TNR: variants seen among roughly 807,000 people sequenced by gnomAD.
TNR encodes tenascin R, also known as tenascin-R.
Under a neutral mutation model 150.4 loss-of-function variants are expected in TNR, and 45 were observed. The observed-to-expected ratio is 0.30, with a 90% CI of 0.24 to 0.38. The LOEUF (loss-of-function observed/expected upper bound fraction) is 0.38, where lower values mean the gene tolerates loss of function less well. Ranked by LOEUF, TNR falls within the 10% of genes least tolerant of loss-of-function variation. The pLI is 1.00. For missense variants in TNR, 1,544 were observed against 1,759.1 expected (o/e 0.88, Z 2.19); for synonymous variants, 687 against 678.4 (o/e 1.01, Z -0.20).
chr1:175,632,187 T>A (rs1039706243), intron 1 of TNR, among the ~76,000 whole-genome samples: 6 of 152,344 alleles, frequency 3.9e-5, no homozygotes, highest in South Asian at 2.1e-4. Context: ...TCCACAGGGT[T>A]GCTGCACCTG....
chr1:175,386,369 C>G (rs1652929800), intron 7 of TNR, 68 bp from the exon 8 acceptor site: 1 of 1,454,166 alleles, frequency 6.9e-7, no homozygotes, highest in South Asian at 1.4e-5. Flanking sequence ...TCAGCTCTCT[C>G]TTTTCCTCCT....
intron 1 of TNR, among the ~76,000 whole-genome samples, chr1:175,690,169 C>T (rs1270884758): frequency 6.9e-6 from 1 of 145,068 alleles, no homozygotes; most frequent in Non-Finnish European, 1.5e-5. Context: ...TATTACATTG[C>T]CGTGGATCTT....
intron 1 of TNR, among the ~76,000 whole-genome samples, chr1:175,562,686 G>A (rs543021584): frequency 6.6e-6 from 1 of 152,178 alleles, no homozygotes; most frequent in Non-Finnish European, 1.5e-5. Flanking sequence ...AGAGCTACTG[G>A]GGCTCAGTAG....
chr1:175,467,793 A>T (rs10489314), intron 2 of TNR, among the ~76,000 whole-genome samples: 4,395 of 152,166 alleles, frequency 0.029, 120 homozygotes, highest in African/African-American at 0.069. Context: ...CAAGTGGGGG[A>T]TCTTGAGCTT....
chr1:175,347,889 G>A (rs1366345880), intron 18 of TNR, among the ~76,000 whole-genome samples: 1 of 152,038 alleles, frequency 6.6e-6, no homozygotes, highest in East Asian at 1.9e-4. Context: ...ATTTATCATA[G>A]TTCAGGAGGT....
chr1:175,435,467 A>T (rs921820047), intron 2 of TNR, among the ~76,000 whole-genome samples: 3 of 152,248 alleles, frequency 2.0e-5, no homozygotes, highest in Admixed American at 6.5e-5. Context: ...TAAAGGCTCA[A>T]CTGGGGACAT....
Position 175,562,122 on chromosome 1 carries a change from T to A in TNR, c.-164-33753A>T, listed in dbSNP as rs78047783. Among the ~76,000 whole-genome samples, 262 of 152,372 alleles carry A rather than the reference T, an allele frequency of 1.7e-3. 4 individuals carry two copies. In the East Asian group the frequency reaches 0.042, roughly 24 times the overall value. On this transcript the variant is annotated intron_variant, in intron 1 of 22. Transcript: ENST00000367674. ...CTACATTATATTTTGATGTACATGATGGTGCTCAAATCTAGTAGGTGTTCA... is the reference window on the plus strand; with the variant it reads ...CTACATTATATTTTGATGTACATGAAGGTGCTCAAATCTAGTAGGTGTTCA...
intron 1 of TNR, among the ~76,000 whole-genome samples, chr1:175,721,094 GATGAGCAC>G (rs1164576707): frequency 1.3e-5 from 2 of 152,116 alleles, no homozygotes; most frequent in Non-Finnish European, 2.9e-5. Context: ...GTTTTCTTCA[GATGAGCAC>G]AAGACTGGCT....
intron 1 of TNR, among the ~76,000 whole-genome samples, chr1:175,552,240 A>G (rs1003964): frequency 0.68 from 104,099 of 152,052 alleles, 35,896 homozygotes; most frequent in Admixed American, 0.76. Context: ...CTCTCATCCC[A>G]TGGTAGGGGT....
chr1:175,672,332 A>G (rs1665728448), intron 1 of TNR, among the ~76,000 whole-genome samples: 1 of 152,142 alleles, frequency 6.6e-6, no homozygotes, highest in African/African-American at 2.4e-5. Flanking sequence ...TCATGGATAT[A>G]GCATCCTTCT....
chr1:175,729,918 C>T (rs1302973217), intron 1 of TNR, among the ~76,000 whole-genome samples: 1 of 152,142 alleles, frequency 6.6e-6, no homozygotes, highest in African/African-American at 2.4e-5. Context: ...TATAAAAGAG[C>T]ATCTCAATCG....
chr1:175,490,731 A>T (rs187387102), intron 2 of TNR, among the ~76,000 whole-genome samples: 26 of 152,320 alleles, frequency 1.7e-4, no homozygotes, highest in South Asian at 6.2e-4. Context: ...AGATGCTAGC[A>T]AGATTGTGAA....
At chr1:175,414,958 T>C (rs903997176) in intron 2 of TNR, among the ~76,000 whole-genome samples, 1 of 140,952 alleles carries the variant, frequency 7.1e-6, no homozygotes, top group African/African-American at 2.6e-5. Flanking sequence ...AAAAAAAAGG[T>C]GCAGGAGGGA....
At chr1:175,347,555 G>A (rs1490860896) in intron 18 of TNR, among the ~76,000 whole-genome samples, 1 of 151,984 alleles carries the variant, frequency 6.6e-6, no homozygotes, top group Non-Finnish European at 1.5e-5. Flanking sequence ...AGCCTCCTGA[G>A]TAGCTGGAAT....
In TNR at chr1:175,335,732, C is replaced by A. The variant is rs369471259; in HGVS notation, c.3610G>T (p.Val1204Leu). ...WADYRVGFGN[V>L]EDEFWLGLDN... ...TTACCCAGCCAGAACTCATCCTCCA[C>A]GTTCCCGAAGCCAACACGGTAATCA... Residue 1204 changes from valine (V) to leucine (L), a missense_variant, in exon 20 of 23, where the codon GTG (valine) becomes TTG (leucine). Physicochemically the swap from Val to Leu is conservative, Grantham distance 32 (BLOSUM62 1). This residue lies in a region of TNR where 290 missense variants were observed against 429.7 expected (regional missense o/e 0.67). Coordinates refer to ENST00000367674, the MANE Select transcript of TNR (RefSeq NM_003285.3). The A allele has an allele frequency of 1.9e-6, 3 of 1,614,086 alleles. No homozygotes were observed. The highest frequency in any genetic ancestry group is 3.3e-5 in the Admixed American group (2 of 60,016).
At chr1:175,402,202 G>A (rs923957582) in intron 4 of TNR, among the ~76,000 whole-genome samples, 1 of 150,248 alleles carries the variant, frequency 6.7e-6, no homozygotes, top group African/African-American at 2.5e-5. Flanking sequence ...AGCTACTCGG[G>A]AGGCTGAGGC....
chr1:175,565,282 C>T (rs1209298210), intron 1 of TNR, among the ~76,000 whole-genome samples: 1 of 152,204 alleles, frequency 6.6e-6, no homozygotes, highest in African/African-American at 2.4e-5. Flanking sequence ...TTTCCCTCCT[C>T]ATTCCACTCC....
intron 1 of TNR, among the ~76,000 whole-genome samples, chr1:175,596,722 T>C (rs1052129939): frequency 6.6e-6 from 1 of 152,176 alleles, no homozygotes; most frequent in Non-Finnish European, 1.5e-5. Context: ...ACCAATTTTC[T>C]CCTCTCAGAT....
intron 1 of TNR, among the ~76,000 whole-genome samples, chr1:175,654,719 CTTTT>C (rs36087120): frequency 1.8e-3 from 132 of 74,742 alleles, no homozygotes; most frequent in Middle Eastern, 0.013. Context: ...AAGTTCCCTT[CTTTT>C]TTTTTTTTTT....
Sources: gnomAD v4.1 joint callset for allele counts (sites outside exome capture counted in the v4.1 genomes callset) on GRCh38, gnomAD v4.1.1 for gene constraint, gnomAD v4.1.1 regional missense constraint, MANE v1.5 for transcripts, NCBI Gene and HGNC (gene_info 2026-07-23, HGNC 2026-07-21) for gene names.